Variants in TRPC6 observed in about 807,000 individuals in gnomAD.
TRPC6 encodes short transient receptor potential channel 6.
A neutral mutation model predicts 90.7 loss-of-function variants in TRPC6; 55 were observed. The ratio of observed to expected loss-of-function variants is 0.61; its 90% confidence interval spans 0.49 to 0.76. The LOEUF (loss-of-function observed/expected upper bound fraction) is 0.76. TRPC6 is among the 30% of genes least tolerant of loss of function. TRPC6 has a pLI of 0.00. For missense variants in TRPC6, 989 were observed against 1,122.7 expected, an observed-to-expected ratio of 0.88 and a Z score of 1.70; for synonymous variants, 393 against 393.0, an observed-to-expected ratio of 1.00 and a Z score of 0.00.
chr11:101,500,653 CAT>C (rs10566906), intron 2 of TRPC6, among the ~76,000 whole-genome samples: 71,125 of 151,652 alleles, frequency 0.47, 17,148 homozygotes, highest in African/African-American at 0.58. Flanking sequence ...TCTAAAATTT[CAT>C]ATATATGTGT....
intron 1 of TRPC6, among the ~76,000 whole-genome samples, chr11:101,507,083 ATTG>A (rs1438570978): frequency 6.6e-6 from 1 of 150,632 alleles, no homozygotes; most frequent in Non-Finnish European, 1.5e-5. Flanking sequence ...TCATTCCAGA[ATTG>A]TTATATCATG....
chr11:101,537,394 C>T (rs994288533), intron 1 of TRPC6, among the ~76,000 whole-genome samples: 12 of 151,894 alleles, frequency 7.9e-5, no homozygotes, highest in African/African-American at 2.9e-4. Context: ...TATTTTTTTT[C>T]TCCTTGTATT....
chr11:101,573,649 G>A lies in TRPC6; in HGVS notation c.170+9685C>T, dbSNP rs530497982. Among the ~76,000 whole-genome samples, 13 of 152,178 alleles carry A rather than the reference G, an allele frequency of 8.5e-5. No homozygotes were observed. The East Asian group carries it at 1.9e-3, about 23-fold the overall frequency. On this transcript the variant is annotated intron_variant, in intron 1 of 12. Coordinates refer to ENST00000344327, the MANE Select transcript of TRPC6 (RefSeq NM_004621.6). ...TGTTTCCTCTTCTTTCTCATTTACA[G>A]TAACTCTAGCCCACTGAACATCATA...
chr11:101,504,923 A>G, intron 1 of TRPC6, 125 bp from the exon 2 acceptor site: 2 of 1,083,498 alleles, frequency 1.8e-6, no homozygotes, highest in Non-Finnish European at 1.3e-6. Context: ...CTCTAGACCT[A>G]CTATATTATA....
chr11:101,463,047 T>G (rs1311702101), intron 10 of TRPC6, among the ~76,000 whole-genome samples: 1 of 152,238 alleles, frequency 6.6e-6, no homozygotes, highest in African/African-American at 2.4e-5. Flanking sequence ...GAAGGCCTTT[T>G]CTGCATCTAT....
chr11:101,492,435 A>T (rs904295296), intron 2 of TRPC6, among the ~76,000 whole-genome samples: 1 of 152,084 alleles, frequency 6.6e-6, no homozygotes, highest in African/African-American at 2.4e-5. Context: ...TACAGAAAAA[A>T]TTAGCCGGGA....
At chr11:101,573,017 A>T (rs984217935) in intron 1 of TRPC6, among the ~76,000 whole-genome samples, 24 of 151,634 alleles carry the variant, frequency 1.6e-4, no homozygotes, top group Non-Finnish European at 1.0e-4. Flanking sequence ...TTAAAAAAAA[A>T]ACTCATCAAA....
Position 101,491,714 on chromosome 11 carries a change from G to A in TRPC6, c.970C>T (p.Gln324Ter). Residue 324 changes from glutamine to a stop codon, truncating the protein, a stop_gained, in exon 3 of 13, where the codon CAG becomes TAG. Transcript: ENST00000344327. LOFTEE classifies it high-confidence loss of function. The stretch of plus-strand genomic sequence containing the variant: ...AGTCCAACAACAAAGTCTTTGCACT[G>A]CATTGACAGTTTTTTGTAGTCATTC... ...FKNDYKKLSM[Q>*]CKDFVVGLLD... 5 of 1,613,352 alleles carry A rather than the reference G, an allele frequency of 3.1e-6. No homozygotes were observed. In the East Asian group the frequency reaches 1.1e-4, roughly 36 times the overall value.
chr11:101,517,792 C>G (rs1860556452), intron 1 of TRPC6, among the ~76,000 whole-genome samples: 1 of 152,184 alleles, frequency 6.6e-6, no homozygotes. Flanking sequence ...TAAACAGCTA[C>G]TTAGAACCCT....
Position 101,583,398 on chromosome 11 carries a change from A to G in TRPC6, c.106T>C (p.Ser36Pro), listed in dbSNP as rs1401757044. 1.3e-6 allele frequency: 2 copies of G among 1,588,842 alleles called. No individual in the cohort carries two copies. The highest frequency in any genetic ancestry group is 1.7e-6 in the Non-Finnish European group (2 of 1,167,596). Residue 36 changes from serine to proline, a missense_variant, in exon 1 of 13, where the codon TCG becomes CCG. Physicochemically the swap from Ser to Pro is moderately conservative, Grantham distance 74. Coordinates refer to ENST00000344327, the MANE Select transcript of TRPC6 (RefSeq NM_004621.6). ...GGGCAGCCGTCTTCTCCCAGCTCCG[A>G]GTCCATGAGCAGATAGTCCTGGCTC... ...NESQDYLLMD[S>P]ELGEDGCPQA...
At chr11:101,556,223 G>T (rs1861558030) in intron 1 of TRPC6, among the ~76,000 whole-genome samples, 2 of 151,780 alleles carry the variant, frequency 1.3e-5, no homozygotes, top group South Asian at 2.1e-4. Flanking sequence ...CATTAGAGCA[G>T]AAATAAATGA....
chr11:101,484,270 T>C (rs1859620221), intron 4 of TRPC6, among the ~76,000 whole-genome samples: 1 of 152,154 alleles, frequency 6.6e-6, no homozygotes, highest in Admixed American at 6.5e-5. Flanking sequence ...ATCTCATAAG[T>C]GGTAGAGCTG....
intron 8 of TRPC6, among the ~76,000 whole-genome samples, 188 bp downstream of exon 8, chr11:101,471,949 C>T (rs781476393): frequency 1.3e-5 from 2 of 152,194 alleles, no homozygotes; most frequent in Non-Finnish European, 2.9e-5. Flanking sequence ...TGCCCCATGA[C>T]ACCTTACTGA....
intron 1 of TRPC6, among the ~76,000 whole-genome samples, chr11:101,535,538 A>C (rs1221296990): frequency 6.6e-6 from 1 of 152,142 alleles, no homozygotes; most frequent in African/African-American, 2.4e-5. Context: ...CTTTATGTTC[A>C]CCTCAAATAT....
rs1307980163 is a variant in TRPC6, at chr11:101,565,406, C to CA, written c.170+17927dup. 6.4e-4 allele frequency among the ~76,000 whole-genome samples: 97 copies of CA among 152,090 alleles called. No individual in the cohort carries two copies. The Middle Eastern group carries it at 0.01, about 16-fold the overall frequency. ...TGATTTTAAAAAGGACAAATTTCCTCAATACTTCCTGAAATTACAGACTTG... is the reference window on the plus strand; with the variant it reads ...TGATTTTAAAAAGGACAAATTTCCTCAAATACTTCCTGAAATTACAGACTTG... On this transcript the variant is annotated intron_variant, in intron 1 of 12. Transcript: ENST00000344327.
intron 1 of TRPC6, among the ~76,000 whole-genome samples, chr11:101,549,366 C>T (rs748764811): frequency 8.8e-5 from 13 of 147,244 alleles, no homozygotes; most frequent in Non-Finnish European, 1.5e-4. Context: ...CCTCATATTA[C>T]GCCATAAAGC....
chr11:101,473,255 GA>G (rs1859335152), intron 7 of TRPC6, among the ~76,000 whole-genome samples: 1 of 152,164 alleles, frequency 6.6e-6, no homozygotes, highest in South Asian at 2.1e-4. Flanking sequence ...GCCTCTTGGT[GA>G]AATAGAGATA....
chr11:101,547,494 C>G (rs138388174), intron 1 of TRPC6, among the ~76,000 whole-genome samples: 9 of 151,360 alleles, frequency 5.9e-5, no homozygotes, highest in African/African-American at 1.9e-4. Flanking sequence ...ATTCCCAAAA[C>G]CTTCTTGGTT....
In TRPC6 at chr11:101,583,439, G is replaced by C. The variant is rs1272346225; in HGVS notation, c.65C>G (p.Ala22Gly). ...GTCCTGGCTCTCGTTGCGCCGCGCA[G>C]CGGCTCCGGCAGCGCCCCGGGGAGA... ...GSSPRGAAGA[A>G]ARRNESQDYL... is the part of the protein sequence containing the mutation. Residue 22 changes from alanine (A) to glycine (G), a missense_variant, in exon 1 of 13, where the codon GCT becomes GGT. Ala to Gly is a moderately conservative substitution (Grantham distance 60). Around this residue, in one of 4 missense-constraint regions of TRPC6, gnomAD observed 194 missense variants for 136.5 expected, o/e 1.42. Transcript: ENST00000344327. The C allele has an allele frequency of 6.5e-7, 1 of 1,547,418 alleles. No homozygotes were observed. The highest frequency in any genetic ancestry group is 1.2e-5 in the South Asian group (1 of 83,964).
Sources: allele counts gnomAD v4.1 joint callset (sites outside exome capture counted in the v4.1 genomes callset), GRCh38; gene constraint gnomAD v4.1.1; regional missense constraint gnomAD v4.1.1; transcripts MANE v1.5; gene names NCBI Gene and HGNC (gene_info 2026-07-23, HGNC 2026-07-21).